The following MECOM variants were observed in gnomAD, a reference collection of about 807,000 sequenced individuals.
MECOM encodes the protein MDS1 and EVI1 complex locus.
MECOM carries 13 observed loss-of-function variants against 116.3 expected under a neutral mutation model. That is an observed-to-expected ratio of 0.11 (90% confidence interval 0.07 to 0.18). MECOM has a LOEUF of 0.18. Ranked by LOEUF, MECOM falls within the 10% of genes least tolerant of loss-of-function variation. MECOM has a pLI of 1.00. For synonymous variants in MECOM, 528 were observed against 535.2 expected (o/e 0.99, Z 0.19); for missense variants, 1,299 against 1,509.0 (o/e 0.86, Z 2.31).
At chr3:169,128,962 A>G (rs927286007) in intron 4 of MECOM, among the ~76,000 whole-genome samples, 9 of 152,156 alleles carry the variant, frequency 5.9e-5, no homozygotes, top group Non-Finnish European at 1.3e-4. Context: ...AACAGCTCAC[A>G]CTGCTAAAAA....
intron 2 of MECOM, chr3:169,147,637 A>G (rs775031178): frequency 8.1e-6 from 8 of 985,582 alleles, no homozygotes; most frequent in Non-Finnish European, 9.6e-6. Context: ...GTAAACAACC[A>G]ATGGGGAGAT....
At chr3:169,156,307 C>T (rs538201531) in intron 2 of MECOM, among the ~76,000 whole-genome samples, 16 of 152,282 alleles carry the variant, frequency 1.1e-4, no homozygotes, top group Middle Eastern at 3.4e-3. Flanking sequence ...GGTAATTAAA[C>T]TTATGTGAAA....
intron 1 of MECOM, among the ~76,000 whole-genome samples, chr3:169,583,616 T>C (rs1429057641): frequency 2.6e-5 from 4 of 152,172 alleles, no homozygotes; most frequent in African/African-American, 7.2e-5. Flanking sequence ...ATGTTCATAA[T>C]CATGACTTGA....
chr3:169,323,854 G>C (rs953218561), intron 2 of MECOM, among the ~76,000 whole-genome samples: 2 of 152,180 alleles, frequency 1.3e-5, no homozygotes, highest in Non-Finnish European at 2.9e-5. Context: ...GGGTTTGACA[G>C]TAATCTGTGC....
chr3:169,275,504 T>C lies in MECOM; in HGVS notation c.375+105683A>G, dbSNP rs1759469378. 2.0e-5 allele frequency among the ~76,000 whole-genome samples: 3 copies of C among 152,236 alleles called. No homozygotes were observed. In the South Asian group the frequency reaches 6.2e-4, roughly 31 times the overall value. On this transcript the variant is annotated intron_variant, in intron 2 of 16. Transcript: ENST00000651503. ...TTGTGAGCAGGAAGATTTGATAATG[T>C]TCCAAGGTCACCTGTGCTGGAACAT...
At chr3:169,471,280 C>T (rs1749188859) in intron 1 of MECOM, among the ~76,000 whole-genome samples, 1 of 152,102 alleles carries the variant, frequency 6.6e-6, no homozygotes, top group East Asian at 1.9e-4. Flanking sequence ...GCATGAGCCA[C>T]CACACCCAGC....
chr3:169,233,373 A>T (rs929458909), intron 2 of MECOM, among the ~76,000 whole-genome samples: 1 of 152,162 alleles, frequency 6.6e-6, no homozygotes, highest in Non-Finnish European at 1.5e-5. Flanking sequence ...TTGTAGAAAC[A>T]GGAGGTATAT....
chr3:169,479,235 T>G (rs191748014), intron 1 of MECOM, among the ~76,000 whole-genome samples: 2 of 151,362 alleles, frequency 1.3e-5, no homozygotes, highest in African/African-American at 4.9e-5. Flanking sequence ...AGGTGAGATA[T>G]AAAGCAAGTA....
chr3:169,533,583 T>TC, intron 1 of MECOM, among the ~76,000 whole-genome samples: 1 of 119,288 alleles, frequency 8.4e-6, no homozygotes, highest in Non-Finnish European at 1.7e-5. Context: ...CTGATTTTTT[T>TC]TTTTTTTTAT....
chr3:169,416,607 A>G (rs2074254839), intron 1 of MECOM, among the ~76,000 whole-genome samples: 1 of 152,082 alleles, frequency 6.6e-6, no homozygotes, highest in South Asian at 2.1e-4. Flanking sequence ...TTTTTAAAAA[A>G]GGATGAACAA....
At chr3:169,496,786 T>A (rs551366174) in intron 1 of MECOM, among the ~76,000 whole-genome samples, 7 of 152,354 alleles carry the variant, frequency 4.6e-5, no homozygotes, top group African/African-American at 9.6e-5. Flanking sequence ...ATCCAAATCA[T>A]GTGAAAATCA....
At position 169,596,825 on chromosome 3, in the gene MECOM, C is replaced by T. The variant is rs570629024; in HGVS notation, c.37+66511G>A. 4.7e-4 allele frequency among the ~76,000 whole-genome samples: 72 copies of T among 152,130 alleles called. No homozygotes were observed. In the South Asian group the frequency reaches 0.015, roughly 31 times the overall value. On this transcript the variant is annotated intron_variant, in intron 1 of 16. Coordinates refer to ENST00000651503, the MANE Select transcript of MECOM (RefSeq NM_004991.4). ...CCCCAATATAAATATCTTATAGTTA[C>T]AAATACCTTAGTTTAATGAAATGCC...
chr3:169,149,651 C>G (rs1740835234), intron 2 of MECOM: 1 of 505,642 alleles, frequency 2.0e-6, no homozygotes, highest in African/African-American at 1.9e-5. Context: ...GCAGTCCAGG[C>G]ATGTAGACAT....
intron 1 of MECOM, among the ~76,000 whole-genome samples, chr3:169,382,257 C>A (rs1029024013): frequency 6.6e-6 from 1 of 152,084 alleles, no homozygotes; most frequent in Non-Finnish European, 1.5e-5. Context: ...ACCAAAAAGA[C>A]AGAGAATTTC....
chr3:169,641,035 C>T (rs1202721610), intron 1 of MECOM, among the ~76,000 whole-genome samples: 2 of 152,332 alleles, frequency 1.3e-5, no homozygotes, highest in Admixed American at 1.3e-4. Context: ...CAGGAAGAGG[C>T]AGCACTGGGA....
chr3:169,495,191 A>C (rs1753663953), intron 1 of MECOM, among the ~76,000 whole-genome samples: 1 of 152,142 alleles, frequency 6.6e-6, no homozygotes, highest in Non-Finnish European at 1.5e-5. Flanking sequence ...GACCCTATCC[A>C]AGTTCTCCAC....
intron 3 of MECOM, among the ~76,000 whole-genome samples, chr3:169,139,517 A>C (rs1560255503): frequency 6.6e-6 from 1 of 152,104 alleles, no homozygotes; most frequent in African/African-American, 2.4e-5. Flanking sequence ...TAAGTCTAAA[A>C]AGTCAACTTA....
rs116517431 is a variant in MECOM at position 169,154,307 on chromosome 3, C to T, written c.376-10475G>A. ...AGGAAATTTATTCTCTACAATGTCT[C>T]CTGGTAGACAGACTTTAAGTACCAA... On this transcript the variant is annotated intron_variant, in intron 2 of 16. Transcript: ENST00000651503. Among the ~76,000 whole-genome samples the T allele has an allele frequency of 8.9e-3, 1,360 of 152,260 alleles. 7 individuals are homozygous for T. The highest frequency in any genetic ancestry group is 0.012 in the Non-Finnish European group (845 of 68,028).
intron 1 of MECOM, among the ~76,000 whole-genome samples, chr3:169,502,475 TG>T (rs1754656338): frequency 6.6e-6 from 1 of 152,096 alleles, no homozygotes; most frequent in African/African-American, 2.4e-5. Context: ...AATTTTCTTT[TG>T]CCTAAGTTAG....
Sources: gnomAD v4.1 joint callset for allele counts (sites outside exome capture counted in the v4.1 genomes callset) on GRCh38, gnomAD v4.1.1 for gene constraint, MANE v1.5 for transcripts, NCBI Gene and HGNC (gene_info 2026-07-23, HGNC 2026-07-21) for gene names.